Variants in MFSD11 observed in about 807,000 individuals in gnomAD.
MFSD11 encodes major facilitator superfamily domain containing 11.
Under a neutral mutation model 53.5 loss-of-function variants are expected in MFSD11, and 36 were observed. That is an observed-to-expected ratio of 0.67 (90% CI 0.52 to 0.89). The LOEUF (loss-of-function observed/expected upper bound fraction) is 0.89, where lower values mean the gene tolerates loss of function less well. MFSD11 is among the 40% of genes least tolerant of loss of function. The pLI is 0.00. For synonymous variants in MFSD11, 186 were observed against 184.9 expected, an observed-to-expected ratio of 1.01 and a Z score of -0.05; for missense variants, 530 against 543.9, an observed-to-expected ratio of 0.97 and a Z score of 0.25.
At chr17:76,761,649 G>A (rs746943370) in intron 8 of MFSD11, among the ~76,000 whole-genome samples, 22 of 152,234 alleles carry the variant, frequency 1.4e-4, no homozygotes, top group Non-Finnish European at 2.8e-4. Context: ...CTGGCCGGGC[G>A]CAGTGGCTCA....
At chr17:76,790,607 C>T in the MFSD11 span, among the ~76,000 whole-genome samples, 6 of 146,760 alleles carry the variant, frequency 4.1e-5, no homozygotes, top group African/African-American at 1.3e-4. Context: ...CGTGAGCCAC[C>T]GTGCCCGGCC....
At chr17:76,796,163 C>T in the MFSD11 span, among the ~76,000 whole-genome samples, 6 of 152,086 alleles carry the variant, frequency 3.9e-5, no homozygotes, top group Admixed American at 3.9e-4. Flanking sequence ...TGCCTTTGTT[C>T]ATATTGTATT....
In MFSD11 at chr17:76,752,659, G is replaced by A. The variant is rs527615801; in HGVS notation, c.642-1388G>A. 9.2e-5 allele frequency among the ~76,000 whole-genome samples: 14 copies of A among 152,188 alleles called. 1 individual carries two copies. In the East Asian group the frequency reaches 2.7e-3, roughly 29 times the overall value. On this transcript the variant is annotated intron_variant, in intron 7 of 12. Transcript: ENST00000685175. ...GATCAGCCTGCCTTGGCCTCCCAAA[G>A]TGCTGGGGTTCCAGGCGTGAGCCAC...
chr17:76,743,483 C>T (rs749121981), intron 6 of MFSD11, 27 bp downstream of exon 6: 3 of 1,461,976 alleles, frequency 2.1e-6, no homozygotes, highest in Admixed American at 4.2e-5. Context: ...TTGCTTTATT[C>T]AGATATGTTC....
At chr17:76,789,266 A>G in the MFSD11 span, among the ~76,000 whole-genome samples, 4 of 150,300 alleles carry the variant, frequency 2.7e-5, no homozygotes, top group African/African-American at 9.8e-5. Flanking sequence ...TTGGGGTTTT[A>G]TACATTGGCA....
At chr17:76,770,031 C>CT (rs367900405) in intron 10 of MFSD11, among the ~76,000 whole-genome samples, 160 bp downstream of exon 10, 15,252 of 131,038 alleles carry the variant, frequency 0.12, 2,468 homozygotes, top group African/African-American at 0.36. Context: ...TATTCTTTTT[C>CT]TTTTTTTTTT....
downstream of MFSD11, among the ~76,000 whole-genome samples, chr17:76,783,970 A>G (rs2082232521): frequency 6.6e-6 from 1 of 152,048 alleles, no homozygotes; most frequent in Non-Finnish European, 1.5e-5. Flanking sequence ...AAAAAAAAAA[A>G]AAGAAAAAAG....
chr17:76,765,452 CTTTTTTTTT>C lies in MFSD11; in HGVS notation c.683-1914_683-1906del, dbSNP rs59878271. 3.1e-3 allele frequency among the ~76,000 whole-genome samples: 285 copies of C among 91,498 alleles called. 2 individuals carry two copies. The highest frequency in any genetic ancestry group is 8.7e-3 in the Admixed American group (77 of 8,866). 60.0% of individuals were successfully genotyped at this position (91,498 alleles called of 152,430 possible). On this transcript the variant is annotated intron_variant, in intron 8 of 12. Transcript: ENST00000685175. ...GGCTATTGTGGGTCCCTTGAATTTC[CTTTTTTTTT>C]TTTTTTTTTTTTTTTTTTTGAGACA... is the stretch of plus-strand genomic sequence containing the variant.
chr17:76,769,558 A>G, intron 9 of MFSD11, 188 bp from the exon 10 acceptor site: 3 of 471,266 alleles, frequency 6.4e-6, no homozygotes, highest in Non-Finnish European at 1.1e-5. Context: ...CATTTAGTCC[A>G]TAGCATGAAG....
At chr17:76,755,074 G>A (rs904276376) in intron 8 of MFSD11, among the ~76,000 whole-genome samples, 1 of 151,962 alleles carries the variant, frequency 6.6e-6, no homozygotes, top group African/African-American at 2.4e-5. Flanking sequence ...AAAATTAGTC[G>A]GGTGTGGTGG....
intron 7 of MFSD11, among the ~76,000 whole-genome samples, chr17:76,752,480 A>G (rs949855872): frequency 1.3e-5 from 2 of 151,476 alleles, no homozygotes; most frequent in African/African-American, 4.9e-5. Context: ...TCTGGGTTCA[A>G]GCGATTCTCA....
At chr17:76,802,785 A>G in the MFSD11 span, among the ~76,000 whole-genome samples, 2 of 152,208 alleles carry the variant, frequency 1.3e-5, no homozygotes, top group Non-Finnish European at 2.9e-5. Context: ...GAGTACACTC[A>G]GACAATTGCA....
rs1327650537 is a variant in MFSD11 at position 76,738,938 on chromosome 17, CA to C, written c.100del (p.Thr34LeufsTer6). Reference protein sequence around the residue: ...TAFQTCGNVAQTVIRSLNRTD... With the variant: ...TAFQTCGNVAXTVIRSLNRTD... ...TTGATTAGTTTTATCTTCCACACAG[CA>C]AACTGTCATCAGGAGCTTAAATAGG... On this transcript the variant is annotated frameshift_variant and splice_region_variant, in exon 2 of 13. Transcript: ENST00000685175. LOFTEE classifies it high-confidence loss of function. 6.2e-7 allele frequency: 1 copy of C among 1,613,744 alleles called. No individual in the cohort carries two copies. The highest frequency in any genetic ancestry group is 8.5e-7 in the Non-Finnish European group (1 of 1,179,630).
downstream of MFSD11, among the ~76,000 whole-genome samples, chr17:76,782,674 T>C (rs2082198000): frequency 6.6e-6 from 1 of 150,684 alleles, no homozygotes; most frequent in Admixed American, 6.6e-5. Flanking sequence ...GAGATGGGGC[T>C]TCACCATGTT....
chr17:76,745,207 T>A (rs1292017047), intron 7 of MFSD11, among the ~76,000 whole-genome samples: 1 of 152,244 alleles, frequency 6.6e-6, no homozygotes, highest in Non-Finnish European at 1.5e-5. Flanking sequence ...TTATATATTG[T>A]TAAAACTTTC....
Position 76,749,458 on chromosome 17 carries a change from C to T in MFSD11, c.642-4589C>T, listed in dbSNP as rs150500142. Among the ~76,000 whole-genome samples the T allele has an allele frequency of 7.3e-5, 11 of 151,270 alleles. 1 individual carries two copies. In the East Asian group the frequency reaches 1.9e-3, roughly 27 times the overall value. On this transcript the variant is annotated intron_variant, in intron 7 of 12. Transcript: ENST00000685175. ...GTGGGAGAATCGCTTACGCCCAGGA[C>T]GCGGAGGTTGCAGTGAGCCAAGATA...
chr17:76,781,988 A>ATTTTTTTT (rs57536397), downstream of MFSD11, among the ~76,000 whole-genome samples: 2,806 of 137,320 alleles, frequency 0.02, 157 homozygotes, highest in African/African-American at 0.075. Flanking sequence ...TGCCTGGATA[A>ATTTTTTTT]TTTTTTTTTT....
At chr17:76,783,661 C>T (rs899942616), downstream of MFSD11, among the ~76,000 whole-genome samples, 7 of 152,098 alleles carry the variant, frequency 4.6e-5, no homozygotes, top group Non-Finnish European at 7.4e-5. Flanking sequence ...CAGGTACAAG[C>T]GGTTCTCCTG....
At chr17:76,744,253 C>T (rs1802171249) in intron 6 of MFSD11, 69 bp from the exon 7 acceptor site, 3 of 1,490,890 alleles carry the variant, frequency 2.0e-6, no homozygotes, top group Admixed American at 4.2e-5. Flanking sequence ...GTAAGCAGCC[C>T]TTGTACCGTG....
Sources: allele counts gnomAD v4.1 joint callset (sites outside exome capture counted in the v4.1 genomes callset), GRCh38; gene constraint gnomAD v4.1.1; transcripts MANE v1.5; gene names NCBI Gene and HGNC (gene_info 2026-07-23, HGNC 2026-07-21).